Variants in CYFIP1 observed in about 807,000 individuals in gnomAD.
The protein encoded by CYFIP1 is cytoplasmic FMR1-interacting protein 1.
In CYFIP1, 58 loss-of-function variants were observed where a neutral mutation model predicts 163.5. The observed-to-expected ratio is 0.35, with a 90% CI of 0.29 to 0.44. CYFIP1 has a LOEUF of 0.44. Among genes scored for constraint, CYFIP1 ranks in the 20% least tolerant of loss-of-function variants. CYFIP1 has a pLI of 1.00. For missense variants in CYFIP1, 1,338 were observed against 1,653.8 expected (o/e 0.81, Z 3.31); for synonymous variants, 663 against 660.7 (o/e 1.00, Z -0.05).
At chr15:22,919,852 T>C (rs2061115185) in intron 13 of CYFIP1, among the ~76,000 whole-genome samples, 1 of 151,520 alleles carries the variant, frequency 6.6e-6, no homozygotes, top group Admixed American at 6.6e-5. Context: ...CCAGACCCCA[T>C]CTCTACAAAA....
intron 6 of CYFIP1, among the ~76,000 whole-genome samples, chr15:22,942,041 G>A (rs1187650786): frequency 6.6e-6 from 1 of 152,200 alleles, no homozygotes; most frequent in Non-Finnish European, 1.5e-5. Context: ...TCTGCCCCAA[G>A]AGGGGCTCAC....
intron 1 of CYFIP1, among the ~76,000 whole-genome samples, chr15:22,959,395 GC>G (rs1042389543): frequency 6.6e-6 from 1 of 152,214 alleles, no homozygotes; most frequent in Admixed American, 6.5e-5. Context: ...CACAGAGGGG[GC>G]GCTCCCACGC....
chr15:22,883,741 T>C (rs935991237), intron 23 of CYFIP1, among the ~76,000 whole-genome samples: 17 of 141,382 alleles, frequency 1.2e-4, no homozygotes, highest in South Asian at 4.5e-4. Context: ...GGCATGAACC[T>C]GGGATGTGGA....
intron 25 of CYFIP1, 89 bp from the exon 26 acceptor site, chr15:22,880,132 C>T: frequency 4.5e-6 from 7 of 1,550,068 alleles, no homozygotes; most frequent in Non-Finnish European, 6.2e-6. Flanking sequence ...ACCTGCCGTT[C>T]TGACACCGCC....
chr15:22,928,111 C>T, intron 11 of CYFIP1, 83 bp from the exon 12 acceptor site: 1 of 1,386,290 alleles, frequency 7.2e-7, no homozygotes, highest in South Asian at 1.5e-5. Flanking sequence ...TGAGAATCCA[C>T]CCCAAAGTCA....
In CYFIP1 at chr15:22,947,281, G is replaced by A. The variant is rs779045887; in HGVS notation, c.5C>T (p.Ala2Val). 3.1e-6 allele frequency: 5 copies of A among 1,613,546 alleles called. No individual in the cohort carries two copies. Among genetic ancestry groups the A allele is most frequent in the East Asian group, 2.2e-5 (1 of 44,852 alleles). Residue 2 changes from alanine to valine, a missense_variant, in exon 2 of 31, where the codon GCG becomes GTG. This residue lies in a region of CYFIP1 where 186 missense variants were observed against 288.3 expected (regional missense o/e 0.65). Transcript: ENST00000617928. The stretch of plus-strand genomic sequence containing the variant: ...CGCGTCCTCCAGAGTCACCTGGGCC[G>A]CCATCCTGGGCTGGAACAACACATA... Reference protein sequence around the residue: MAAQVTLEDALS... With the variant: MVAQVTLEDALS...
At chr15:22,906,720 C>T (rs867866207) in intron 21 of CYFIP1, among the ~76,000 whole-genome samples, 12 of 152,130 alleles carry the variant, frequency 7.9e-5, no homozygotes, top group African/African-American at 2.9e-4. Flanking sequence ...CCGCCTCGTC[C>T]TCCCAAAGTG....
intron 30 of CYFIP1, 119 bp downstream of exon 30, chr15:22,872,706 T>C: frequency 1.0e-6 from 1 of 998,188 alleles, no homozygotes; most frequent in Non-Finnish European, 1.5e-6. Flanking sequence ...AGAAAGTTTC[T>C]GTTGGTGGCA....
intron 1 of CYFIP1, among the ~76,000 whole-genome samples, chr15:22,978,344 C>CTCTG (rs1232171833): frequency 2.2e-5 from 2 of 92,248 alleles, no homozygotes; most frequent in Non-Finnish European, 3.8e-5. Flanking sequence ...AGAGTTAAGA[C>CTCTG]TCTGTCACAA....
chr15:22,976,419 G>A (rs759183504), intron 1 of CYFIP1, among the ~76,000 whole-genome samples: 1 of 152,164 alleles, frequency 6.6e-6, no homozygotes, highest in Middle Eastern at 3.2e-3. Context: ...GCCTCCCAAA[G>A]TGCTGGGATT....
At chr15:22,972,472 T>C (rs1433187472) in intron 1 of CYFIP1, among the ~76,000 whole-genome samples, 1 of 151,964 alleles carries the variant, frequency 6.6e-6, no homozygotes, top group Non-Finnish European at 1.5e-5. Flanking sequence ...TACAGAGATA[T>C]AGTAACCCAA....
intron 22 of CYFIP1, among the ~76,000 whole-genome samples, chr15:22,898,872 G>C (rs1206945025): frequency 6.6e-6 from 1 of 151,924 alleles, no homozygotes; most frequent in African/African-American, 2.4e-5. Context: ...GCGTGGTGGC[G>C]GGCGACTATA....
chr15:22,916,745 G>A (rs773973613), intron 15 of CYFIP1, 115 bp from the exon 16 acceptor site: 1 of 1,611,898 alleles, frequency 6.2e-7, no homozygotes, highest in South Asian at 1.1e-5. Context: ...GGTCGGGAGG[G>A]CCCCGCACCA....
At chr15:22,963,536 T>TAACATAA (rs2140212749) in intron 1 of CYFIP1, among the ~76,000 whole-genome samples, 2 of 145,426 alleles carry the variant, frequency 1.4e-5, no homozygotes, top group East Asian at 4.0e-4. Flanking sequence ...TAACATAACA[T>TAACATAA]AACATAACAT....
chr15:22,955,937 G>A (rs1399652176), intron 1 of CYFIP1, among the ~76,000 whole-genome samples: 3 of 152,120 alleles, frequency 2.0e-5, no homozygotes, highest in African/African-American at 4.8e-5. Context: ...GTGATTTGGG[G>A]CTGGGCACAG....
At chr15:22,953,453 G>A (rs537791278) in intron 1 of CYFIP1, among the ~76,000 whole-genome samples, 3 of 152,074 alleles carry the variant, frequency 2.0e-5, no homozygotes, top group Non-Finnish European at 2.9e-5. Flanking sequence ...GATTTTTTCC[G>A]GCCCTCCTTT....
At chr15:22,971,078 A>AAAAAAACC (rs1409321055) in intron 1 of CYFIP1, among the ~76,000 whole-genome samples, 4 of 152,180 alleles carry the variant, frequency 2.6e-5, no homozygotes, top group Admixed American at 1.3e-4. Context: ...TCTGTCTCGA[A>AAAAAAACC]AAAAAACCAA....
chr15:22,924,851 T>C (rs966117497), intron 13 of CYFIP1, among the ~76,000 whole-genome samples: 29 of 152,030 alleles, frequency 1.9e-4, no homozygotes, highest in African/African-American at 6.5e-4. Context: ...GCGGGTGGAT[T>C]GCTTGAGCTC....
Position 22,926,534 on chromosome 15 carries a change from A to G in CYFIP1, c.1234-427T>C, listed in dbSNP as rs2061363532. On this transcript the variant is annotated intron_variant, in intron 12 of 30. Coordinates refer to ENST00000617928, the MANE Select transcript of CYFIP1 (RefSeq NM_014608.6). ...AAAAAATAAAATAATAAGTAAGTAA[A>G]TAAAGATTTTGCCTTTCAAATGACC... 2.6e-5 allele frequency among the ~76,000 whole-genome samples: 4 copies of G among 152,300 alleles called. No individual in the cohort carries two copies. The South Asian group carries it at 8.3e-4, about 32-fold the overall frequency.
Sources: allele counts gnomAD v4.1 joint callset (sites outside exome capture counted in the v4.1 genomes callset), GRCh38; gene constraint gnomAD v4.1.1; regional missense constraint gnomAD v4.1.1; transcripts MANE v1.5; gene names NCBI Gene and HGNC (gene_info 2026-07-23, HGNC 2026-07-21).